The following PHF21B variants were observed in gnomAD, a reference collection of about 807,000 sequenced individuals.
PHF21B encodes PHD finger protein 21B.
Under a neutral mutation model 62.2 loss-of-function variants are expected in PHF21B, and 22 were observed. The observed-to-expected ratio is 0.35, with a 90% CI of 0.25 to 0.51. PHF21B has a LOEUF of 0.51. Among genes scored for constraint, PHF21B ranks in the 20% least tolerant of loss-of-function variants. The pLI is 0.97. For synonymous variants in PHF21B, 341 were observed against 314.7 expected (o/e 1.08, Z -0.88); for missense variants, 701 against 707.9 (o/e 0.99, Z 0.11).
intron 2 of PHF21B, among the ~76,000 whole-genome samples, chr22:44,952,502 G>A (rs866655573): frequency 2.0e-5 from 3 of 152,184 alleles, no homozygotes; most frequent in Non-Finnish European, 4.4e-5. Flanking sequence ...GGAGCACAGG[G>A]AGGCAGAACC....
At position 44,989,773 on chromosome 22, in the gene PHF21B, CTAATTTTTGTATTTT is replaced by C. The variant is rs529892541; in HGVS notation, c.120+18757_120+18771del. Among the ~76,000 whole-genome samples, 4 of 152,108 alleles carry C rather than the reference CTAATTTTTGTATTTT, an allele frequency of 2.6e-5. No homozygotes were observed. In the South Asian group the frequency reaches 8.3e-4, roughly 32 times the overall value. On this transcript the variant is annotated intron_variant, in intron 2 of 12. Transcript: ENST00000313237. ...TACAGGCGCACACCACCACATCAGGCTAATTTTTGTATTTTTAGTAGAGACAGGGTTTCACCATGT... is the reference window on the plus strand; with the variant it reads ...TACAGGCGCACACCACCACATCAGGCTAGTAGAGACAGGGTTTCACCATGT...
intron 2 of PHF21B, among the ~76,000 whole-genome samples, chr22:44,980,335 T>C (rs1163056623): frequency 1.3e-5 from 2 of 152,196 alleles, no homozygotes; most frequent in Admixed American, 1.3e-4. Context: ...TTGCAGTCAC[T>C]GCTCACCCAC....
At position 44,973,538 on chromosome 22, in the gene PHF21B, G is replaced by C. The variant is rs539627979; in HGVS notation, c.120+35007C>G. 2.0e-5 allele frequency among the ~76,000 whole-genome samples: 3 copies of C among 152,306 alleles called. No homozygotes were observed. In the East Asian group the frequency reaches 5.8e-4, roughly 29 times the overall value. ...AACTTCAGCGAACTGCTCAAGCTGAGTGGGGGCTACCTCAAGACTTAAAAC... is the reference window on the plus strand; with the variant it reads ...AACTTCAGCGAACTGCTCAAGCTGACTGGGGGCTACCTCAAGACTTAAAAC... On this transcript the variant is annotated intron_variant, in intron 2 of 12. Transcript: ENST00000313237.
chr22:44,951,322 C>T (rs1255747339), intron 2 of PHF21B, among the ~76,000 whole-genome samples: 6 of 152,218 alleles, frequency 3.9e-5, no homozygotes, highest in South Asian at 4.1e-4. Flanking sequence ...CAATAGGGTT[C>T]GTGTTCCTAT....
chr22:45,008,188 GCCGCCCCCCT>G (rs997264806), intron 2 of PHF21B: 5 of 200,406 alleles, frequency 2.5e-5, no homozygotes, highest in Non-Finnish European at 5.0e-5. Context: ...GGCCCCCACG[GCCGCCCCCCT>G]CCGCCCCCAT....
At chr22:45,003,432 G>A (rs1326497823) in intron 2 of PHF21B, 1 of 147,776 alleles carries the variant, frequency 6.8e-6, no homozygotes, top group East Asian at 2.0e-4. Flanking sequence ...AGCTGATCTA[G>A]GAAGATCTAC....
At chr22:44,955,035 C>T (rs2072267579) in intron 2 of PHF21B, among the ~76,000 whole-genome samples, 1 of 152,190 alleles carries the variant, frequency 6.6e-6, no homozygotes, top group Admixed American at 6.5e-5. Flanking sequence ...AAGCCCAGAG[C>T]AACCACACTA....
chr22:44,969,159 T>G (rs932085956), intron 2 of PHF21B: 11 of 152,260 alleles, frequency 7.2e-5, no homozygotes, highest in African/African-American at 2.7e-4. Context: ...CGTGTCCACG[T>G]GATCCATGCT....
At chr22:44,966,753 T>C (rs922646913) in intron 2 of PHF21B, among the ~76,000 whole-genome samples, 2 of 152,152 alleles carry the variant, frequency 1.3e-5, no homozygotes, top group African/African-American at 2.4e-5. Flanking sequence ...AAAATTGTGA[T>C]GGGCGATGGC....
At chr22:44,990,385 CA>C (rs1157681682) in intron 2 of PHF21B, among the ~76,000 whole-genome samples, 1 of 151,868 alleles carries the variant, frequency 6.6e-6, no homozygotes, top group Non-Finnish European at 1.5e-5. Flanking sequence ...GCTTTATTCA[CA>C]ACAGCCAAGG....
At chr22:44,915,522 G>A (rs193093208) in intron 4 of PHF21B, among the ~76,000 whole-genome samples, 9 of 152,304 alleles carry the variant, frequency 5.9e-5, no homozygotes, top group Non-Finnish European at 1.0e-4. Flanking sequence ...TTCAGACTGC[G>A]AATTCTTTGA....
intron 2 of PHF21B, among the ~76,000 whole-genome samples, chr22:44,954,666 A>G (rs1033573124): frequency 1.3e-5 from 2 of 152,236 alleles, no homozygotes; most frequent in Admixed American, 6.5e-5. Flanking sequence ...CCAAGCAGTA[A>G]TTATTCACAT....
chr22:44,937,667 G>T (rs2071876459), intron 2 of PHF21B, among the ~76,000 whole-genome samples: 1 of 152,238 alleles, frequency 6.6e-6, no homozygotes, highest in Non-Finnish European at 1.5e-5. Flanking sequence ...TCTCTTAAAA[G>T]GGAAAACAAC....
chr22:44,925,727 C>G (rs2071616265), intron 2 of PHF21B, among the ~76,000 whole-genome samples: 2 of 152,202 alleles, frequency 1.3e-5, no homozygotes, highest in African/African-American at 4.8e-5. Flanking sequence ...CAGGTGCCAC[C>G]TGATGCCCGC....
Position 44,913,999 on chromosome 22 carries a change from TGGGGAGGGAGGGGTGAG to T in PHF21B, c.637_653del (p.Leu213IlefsTer123). On this transcript the variant is annotated frameshift_variant, in exon 5 of 13. Coordinates refer to ENST00000313237, the MANE Select transcript of PHF21B (RefSeq NM_138415.5). LOFTEE classifies it high-confidence loss of function. ...CATGGAGGGGTGAAGGGGACAGTGA[TGGGGAGGGAGGGGTGAG>T]GGGAAGAGAGGAGGGGTGGAGGGGA... 1 of 416,818 alleles carries T rather than the reference TGGGGAGGGAGGGGTGAG, an allele frequency of 2.4e-6. No individual in the cohort carries two copies. The highest frequency in any genetic ancestry group is 3.6e-6 in the Non-Finnish European group (1 of 274,528). The allele number at this position is 416,818 out of a possible 1,614,324, so 25.8% of individuals were successfully genotyped here. A position where few individuals can be genotyped will look rare whatever the true frequency, so the allele number is the denominator to read the frequency against.
chr22:44,977,944 G>A (rs2072769052), intron 2 of PHF21B, among the ~76,000 whole-genome samples: 1 of 152,066 alleles, frequency 6.6e-6, no homozygotes, highest in Non-Finnish European at 1.5e-5. Flanking sequence ...GCAACTTTTT[G>A]AAGAAAACTT....
rs1415788273 is a variant in PHF21B, at chr22:44,888,092, G to A, written c.1068C>T (p.Ala356=). The change falls in exon 10 of 13, where the codon GCC becomes GCT. Residue 356 remains alanine, a synonymous_variant. Transcript: ENST00000313237. The part of the protein sequence containing the change: ...KNEITHDEHC[A]ACKRGANLQP... ...GCAGGTTGGCCCCTCGCTTGCAGGC[G>A]GCACAGTGCTCATCGTGGGTGATCT... 17 of 1,544,888 alleles carry A rather than the reference G, an allele frequency of 1.1e-5. No individual in the cohort carries two copies. Among genetic ancestry groups the A allele is most frequent in the South Asian group, 2.4e-5 (2 of 83,320 alleles).
At chr22:44,884,036 G>C (rs1230261360) in intron 12 of PHF21B, among the ~76,000 whole-genome samples, 3 of 86,184 alleles carry the variant, frequency 3.5e-5, no homozygotes, top group Admixed American at 1.3e-4. Context: ...CCATCACTGT[G>C]ATCAGCACCA....
chr22:44,886,098 C>T (rs923092025), intron 10 of PHF21B, among the ~76,000 whole-genome samples, 160 bp from the exon 11 acceptor site: 1 of 152,168 alleles, frequency 6.6e-6, no homozygotes, highest in African/African-American at 2.4e-5. Flanking sequence ...CATGGCCCAG[C>T]TCACAGGGGC....
Sources: gnomAD v4.1 joint callset for allele counts (sites outside exome capture counted in the v4.1 genomes callset) on GRCh38, gnomAD v4.1.1 for gene constraint, MANE v1.5 for transcripts, NCBI Gene and HGNC (gene_info 2026-07-23, HGNC 2026-07-21) for gene names.